The following CEP63 variants were observed in gnomAD, a reference collection of about 807,000 sequenced individuals.
CEP63 encodes centrosomal protein of 63 kDa.
CEP63 carries 84 observed loss-of-function variants against 89.1 expected under a neutral mutation model. The ratio of observed to expected loss-of-function variants is 0.94; its 90% CI spans 0.79 to 1.13. The LOEUF (loss-of-function observed/expected upper bound fraction) is 1.13. CEP63 is among the 50% of genes most tolerant of loss of function. CEP63 has a pLI of 0.00. For missense variants in CEP63, 838 were observed against 813.3 expected, an observed-to-expected ratio of 1.03 and a Z score of -0.37; for synonymous variants, 267 against 272.5, an observed-to-expected ratio of 0.98 and a Z score of 0.20.
the CEP63 span, among the ~76,000 whole-genome samples, chr3:134,692,311 G>T: frequency 1.3e-5 from 2 of 150,896 alleles, no homozygotes; most frequent in Non-Finnish European, 1.5e-5. Flanking sequence ...TTCCTGTGTC[G>T]AAGTGTTCTC....
downstream of CEP63, among the ~76,000 whole-genome samples, chr3:134,578,334 T>TTTGTTTGTTTG (rs1553798182): frequency 4.2e-5 from 1 of 23,992 alleles, no homozygotes; most frequent in Admixed American, 6.3e-4. Flanking sequence ...TTTTTTTTTT[T>TTTGTTTGTTTG]TTTTTTTTTT....
At chr3:134,635,914 C>T in the CEP63 span, among the ~76,000 whole-genome samples, 19 of 152,158 alleles carry the variant, frequency 1.2e-4, no homozygotes, top group Admixed American at 6.5e-5. Flanking sequence ...TCATAACCTG[C>T]TTTCTTCATT....
At chr3:134,534,341 G>A (rs868273410) in intron 5 of CEP63, among the ~76,000 whole-genome samples, 1 of 151,984 alleles carries the variant, frequency 6.6e-6, no homozygotes, top group South Asian at 2.1e-4. Context: ...CTTAGCTCTT[G>A]TCATTACCAA....
At chr3:134,701,312 A>ATGTGTATATATACATATATGTG in the CEP63 span, among the ~76,000 whole-genome samples, 24 of 24,854 alleles carry the variant, frequency 9.7e-4, 9 homozygotes, top group African/African-American at 2.9e-3. Flanking sequence ...ATACGTATAT[A>ATGTGTATATATACATATATGTG]TGTGTATATA....
chr3:134,569,982 G>A (rs934775163), downstream of CEP63, among the ~76,000 whole-genome samples: 9 of 152,240 alleles, frequency 5.9e-5, no homozygotes, highest in Non-Finnish European at 8.8e-5. Context: ...ACCCTCTGAA[G>A]CTATGGCCTG....
chr3:134,727,191 C>A, the CEP63 span, among the ~76,000 whole-genome samples: 3 of 152,168 alleles, frequency 2.0e-5, no homozygotes, highest in African/African-American at 4.8e-5. Context: ...AAGGGGAGGG[C>A]AACAAGTTTC....
intron 11 of CEP63, among the ~76,000 whole-genome samples, chr3:134,550,580 G>A (rs776810044): frequency 3.3e-5 from 5 of 152,166 alleles, no homozygotes; most frequent in Admixed American, 6.5e-5. Flanking sequence ...TGGGTGATGG[G>A]GAGGAAAAGT....
At chr3:134,659,323 G>A in the CEP63 span, among the ~76,000 whole-genome samples, 1 of 152,166 alleles carries the variant, frequency 6.6e-6, no homozygotes, top group Admixed American at 6.5e-5. Context: ...CGTAAACAAG[G>A]TGTCCTCTGC....
the CEP63 span, among the ~76,000 whole-genome samples, chr3:134,627,357 C>A: frequency 5.3e-5 from 8 of 152,316 alleles, 2 homozygotes; most frequent in Admixed American, 5.2e-4. Context: ...AAGCAGGATT[C>A]CAACCCAGGC....
the CEP63 span, chr3:134,619,062 TGGCATGTG>T: frequency 9.0e-7 from 1 of 1,114,830 alleles, no homozygotes; most frequent in Non-Finnish European, 1.4e-6. Flanking sequence ...GTTTCAGGCC[TGGCATGTG>T]GGCAAAGGCA....
the CEP63 span, among the ~76,000 whole-genome samples, chr3:134,710,352 A>C: frequency 6.6e-6 from 1 of 152,214 alleles, no homozygotes; most frequent in South Asian, 2.1e-4. Flanking sequence ...AGAGTTCTGC[A>C]GCAAGTGAAG....
chr3:134,595,748 A>G, the CEP63 span, among the ~76,000 whole-genome samples: 1 of 152,126 alleles, frequency 6.6e-6, no homozygotes, highest in East Asian at 1.9e-4. Flanking sequence ...GATACACTGG[A>G]TACCACTGGA....
At chr3:134,621,723 C>G in the CEP63 span, among the ~76,000 whole-genome samples, 3 of 151,916 alleles carry the variant, frequency 2.0e-5, no homozygotes, top group African/African-American at 7.3e-5. Context: ...AAAGGGCATT[C>G]GTGAAAATAA....
At chr3:134,612,250 T>C in the CEP63 span, among the ~76,000 whole-genome samples, 1 of 152,180 alleles carries the variant, frequency 6.6e-6, no homozygotes, top group Non-Finnish European at 1.5e-5. Flanking sequence ...CTGGGAGCAC[T>C]TGAGGGCATG....
the CEP63 span, among the ~76,000 whole-genome samples, chr3:134,730,904 T>A: frequency 6.6e-6 from 1 of 152,044 alleles, no homozygotes; most frequent in African/African-American, 2.4e-5. Flanking sequence ...AAGAGCTACA[T>A]TGAAGTCAAA....
At chr3:134,622,550 T>TG in the CEP63 span, among the ~76,000 whole-genome samples, 2 of 152,102 alleles carry the variant, frequency 1.3e-5, no homozygotes, top group African/African-American at 2.4e-5. Context: ...TACCAGGGGC[T>TG]GGGGGAGGAG....
chr3:134,543,452 G>A (rs1952485794), intron 6 of CEP63, among the ~76,000 whole-genome samples: 4 of 152,196 alleles, frequency 2.6e-5, no homozygotes, highest in Admixed American at 2.6e-4. Flanking sequence ...GACCAAAATA[G>A]TAAATCAGTG....
the CEP63 span, chr3:134,643,199 C>T: frequency 3.4e-6 from 3 of 891,756 alleles, no homozygotes; most frequent in Non-Finnish European, 5.3e-6. Context: ...CCCATGGGAG[C>T]AGAGAGGACC....
At chr3:134,648,299 T>C in the CEP63 span, among the ~76,000 whole-genome samples, 1 of 152,154 alleles carries the variant, frequency 6.6e-6, no homozygotes, top group Non-Finnish European at 1.5e-5. Flanking sequence ...TCCAGCCCTC[T>C]CAACCACTCA....
Sources: allele counts gnomAD v4.1 joint callset (sites outside exome capture counted in the v4.1 genomes callset), GRCh38; gene constraint gnomAD v4.1.1; transcripts MANE v1.5; gene names NCBI Gene and HGNC (gene_info 2026-07-23, HGNC 2026-07-21).